DLG2: variants seen among roughly 807,000 people sequenced by gnomAD.
DLG2 encodes the protein discs large MAGUK scaffold protein 2.
In DLG2, 45 loss-of-function variants were observed where a neutral mutation model predicts 132.5. The observed-to-expected ratio is 0.34, with a 90% CI of 0.27 to 0.44. The LOEUF (loss-of-function observed/expected upper bound fraction) is 0.44. Ranked by LOEUF, DLG2 falls within the 20% of genes least tolerant of loss-of-function variation. DLG2 has a pLI of 1.00. For synonymous variants in DLG2, 424 were observed against 419.6 expected (o/e 1.01, Z -0.13); for missense variants, 1,045 against 1,196.9 (o/e 0.87, Z 1.87).
rs1383341531 is a variant in DLG2 at position 84,175,852 on chromosome 11, C to T, written c.574-12341G>A. On this transcript the variant is annotated intron_variant, in intron 8 of 27. Coordinates refer to ENST00000376104, the MANE Select transcript of DLG2 (RefSeq NM_001142699.3). ...GATACTAAGGGAAAGCATTCTGCTGCTTTATTTTATTTCACCTTTTTCAAA... is the reference window on the plus strand; with the variant it reads ...GATACTAAGGGAAAGCATTCTGCTGTTTTATTTTATTTCACCTTTTTCAAA... Among the ~76,000 whole-genome samples, 5 of 152,042 alleles carry T rather than the reference C, an allele frequency of 3.3e-5. No individual in the cohort carries two copies. The East Asian group carries it at 5.8e-4, about 18-fold the overall frequency.
chr11:85,068,224 C>T (rs1299235247), intron 6 of DLG2, among the ~76,000 whole-genome samples: 2 of 152,068 alleles, frequency 1.3e-5, no homozygotes, highest in African/African-American at 4.8e-5. Context: ...GGAAGCATTC[C>T]CTTTGAAAAC....
At chr11:85,459,708 A>C (rs1392613305) in intron 3 of DLG2, among the ~76,000 whole-genome samples, 1 of 152,096 alleles carries the variant, frequency 6.6e-6, no homozygotes, top group East Asian at 1.9e-4. Flanking sequence ...TCACACCAAG[A>C]GTGGTTAGGG....
intron 3 of DLG2, among the ~76,000 whole-genome samples, chr11:85,529,691 T>A (rs533465913): frequency 6.6e-6 from 1 of 152,322 alleles, no homozygotes; most frequent in East Asian, 1.9e-4. Context: ...AGTTTCTTAA[T>A]CTCAGATATA....
intron 19 of DLG2, among the ~76,000 whole-genome samples, chr11:83,570,395 T>C (rs2143614855): frequency 6.6e-6 from 1 of 152,284 alleles, no homozygotes; most frequent in South Asian, 2.1e-4. Context: ...CAAATGACTA[T>C]CCAAATGTGA....
Position 83,882,679 on chromosome 11 carries a change from T to C in DLG2, c.1497-8191A>G, listed in dbSNP as rs145543830. 8.0e-4 allele frequency among the ~76,000 whole-genome samples: 122 copies of C among 152,308 alleles called. 2 individuals carry two copies. In the East Asian group the frequency reaches 9.8e-3, roughly 12 times the overall value. ...CATATTTTTAAAACTTAAAGTGAAG[T>C]AATTAAGACATGCAGGCAGTTTTTT... is the stretch of plus-strand genomic sequence containing the variant. On this transcript the variant is annotated intron_variant, in intron 15 of 27. Coordinates refer to ENST00000376104, the MANE Select transcript of DLG2 (RefSeq NM_001142699.3).
At position 83,909,108 on chromosome 11, in the gene DLG2, A is replaced by C. The variant is rs35717066; in HGVS notation, c.1496+21220T>G. ...TATCATCTTGAAGGAATGAAAGGAAATACAAGGTTTTATGCCATATGCTAT... is the reference window on the plus strand; with the variant it reads ...TATCATCTTGAAGGAATGAAAGGAACTACAAGGTTTTATGCCATATGCTAT... On this transcript the variant is annotated intron_variant, in intron 15 of 27. Coordinates refer to ENST00000376104, the MANE Select transcript of DLG2 (RefSeq NM_001142699.3). 2.1e-3 allele frequency among the ~76,000 whole-genome samples: 326 copies of C among 152,308 alleles called. 2 individuals carry two copies. The highest frequency in any genetic ancestry group is 7.9e-3 in the South Asian group (38 of 4,830).
At chr11:84,065,800 GAT>G (rs1335784762) in intron 10 of DLG2, among the ~76,000 whole-genome samples, 5 of 152,082 alleles carry the variant, frequency 3.3e-5, no homozygotes, top group African/African-American at 1.2e-4. Flanking sequence ...CAATAGCAAA[GAT>G]ATAGACTCAA....
rs535183047 is a variant in DLG2 at position 85,607,523 on chromosome 11, C to T, written c.-92-8735G>A. ...CACCTGTCTTCTCCAAGGCTAGTCC[C>T]GCTTATAAAAACCACTCGCTCTCTC... On this transcript the variant is annotated intron_variant, in intron 2 of 27. Transcript: ENST00000376104. Among the ~76,000 whole-genome samples, 29 of 152,294 alleles carry T rather than the reference C, an allele frequency of 1.9e-4. 1 individual carries two copies. In the South Asian group the frequency reaches 2.3e-3, roughly 12 times the overall value.
At chr11:85,385,793 C>T (rs1433951015) in intron 3 of DLG2, among the ~76,000 whole-genome samples, 1 of 152,142 alleles carries the variant, frequency 6.6e-6, no homozygotes, top group Non-Finnish European at 1.5e-5. Flanking sequence ...GTGCTCTGAA[C>T]AGCTGTGGGG....
chr11:83,982,486 A>G (rs2092882347), intron 11 of DLG2, among the ~76,000 whole-genome samples: 1 of 151,254 alleles, frequency 6.6e-6, no homozygotes, highest in Admixed American at 6.6e-5. Context: ...CGTGTAAAAA[A>G]AAAAAAAAAA....
intron 7 of DLG2, among the ~76,000 whole-genome samples, chr11:84,405,458 T>G (rs1199266208): frequency 6.6e-6 from 1 of 152,238 alleles, no homozygotes; most frequent in Non-Finnish European, 1.5e-5. Context: ...ATTCCTTTCA[T>G]GTAGAATATT....
At chr11:85,054,828 T>C (rs1004391501) in intron 6 of DLG2, among the ~76,000 whole-genome samples, 20 of 152,140 alleles carry the variant, frequency 1.3e-4, no homozygotes, top group Middle Eastern at 3.4e-3. Context: ...CTTGTAGACT[T>C]AAAAATGCCA....
chr11:85,095,917 C>G (rs1238728), intron 6 of DLG2, among the ~76,000 whole-genome samples: 100,780 of 151,884 alleles, frequency 0.66, 34,290 homozygotes, highest in East Asian at 0.93. Flanking sequence ...TTCATGCTGA[C>G]AGGTGAAGCC....
chr11:85,252,582 T>A (rs1308114041), intron 4 of DLG2, among the ~76,000 whole-genome samples: 1 of 151,994 alleles, frequency 6.6e-6, no homozygotes, highest in Non-Finnish European at 1.5e-5. Flanking sequence ...CGAGACTCTG[T>A]CTCAAAAAAA....
intron 7 of DLG2, among the ~76,000 whole-genome samples, chr11:84,398,862 A>C (rs1040271358): frequency 6.6e-6 from 1 of 152,188 alleles, no homozygotes; most frequent in Non-Finnish European, 1.5e-5. Flanking sequence ...CTATACCCGG[A>C]ATTACTGTGG....
chr11:84,405,721 G>GA (rs913145570), intron 7 of DLG2, among the ~76,000 whole-genome samples: 1 of 152,006 alleles, frequency 6.6e-6, no homozygotes, highest in Admixed American at 6.5e-5. Flanking sequence ...TACTAAGGGG[G>GA]AAAAAAAGCT....
At chr11:84,533,769 T>G (rs1452898759) in intron 7 of DLG2, among the ~76,000 whole-genome samples, 1 of 151,502 alleles carries the variant, frequency 6.6e-6, no homozygotes, top group Non-Finnish European at 1.5e-5. Flanking sequence ...TACTAAGGAG[T>G]TAATTGGTAG....
intron 6 of DLG2, among the ~76,000 whole-genome samples, chr11:85,098,949 T>C (rs1431256378): frequency 5.9e-5 from 9 of 152,208 alleles, no homozygotes; most frequent in Admixed American, 5.9e-4. Flanking sequence ...TTTGATTAGA[T>C]GCTTCTTGTT....
At chr11:83,845,214 T>C (rs2058384782) in intron 16 of DLG2, among the ~76,000 whole-genome samples, 1 of 152,090 alleles carries the variant, frequency 6.6e-6, no homozygotes, top group Admixed American at 6.5e-5. Context: ...TACGTTCACG[T>C]GAACAATGTT....
Sources: allele counts gnomAD v4.1 joint callset (sites outside exome capture counted in the v4.1 genomes callset), GRCh38; gene constraint gnomAD v4.1.1; transcripts MANE v1.5; gene names NCBI Gene and HGNC (gene_info 2026-07-23, HGNC 2026-07-21).